The following CTNNA3 variants were observed in gnomAD, a reference collection of about 807,000 sequenced individuals.
CTNNA3 encodes the protein catenin alpha 3.
Under a neutral mutation model 95.7 loss-of-function variants are expected in CTNNA3, and 76 were observed. That is an observed-to-expected ratio of 0.79 (90% CI 0.66 to 0.96). The LOEUF is 0.96. Ranked by LOEUF, CTNNA3 falls within the 40% of genes least tolerant of loss-of-function variation. The pLI is 0.00. For missense variants in CTNNA3, 1,191 were observed against 1,089.8 expected (o/e 1.09, Z -1.31); for synonymous variants, 431 against 374.4 (o/e 1.15, Z -1.74).
chr10:66,841,422 G>A (rs907621250), intron 7 of CTNNA3, among the ~76,000 whole-genome samples: 2 of 152,134 alleles, frequency 1.3e-5, no homozygotes, highest in African/African-American at 2.4e-5. Flanking sequence ...AATTTAATTA[G>A]CTTTCCTTCC....
At chr10:67,268,124 T>C (rs1866901996) in intron 5 of CTNNA3, among the ~76,000 whole-genome samples, 1 of 151,990 alleles carries the variant, frequency 6.6e-6, no homozygotes, top group African/African-American at 2.4e-5. Context: ...AACAAACTCA[T>C]ATGAGAAATA....
chr10:67,184,734 C>T (rs554430958), intron 6 of CTNNA3, among the ~76,000 whole-genome samples: 1 of 152,330 alleles, frequency 6.6e-6, no homozygotes, highest in South Asian at 2.1e-4. Flanking sequence ...GAGGCATTGT[C>T]CCTATAAACC....
At chr10:66,866,271 T>C (rs1844175202) in intron 7 of CTNNA3, among the ~76,000 whole-genome samples, 1 of 152,194 alleles carries the variant, frequency 6.6e-6, no homozygotes, top group African/African-American at 2.4e-5. Flanking sequence ...TCAGCACTTA[T>C]AGGACTGTGT....
intron 14 of CTNNA3, among the ~76,000 whole-genome samples, chr10:66,088,200 A>G (rs2081061182): frequency 1.3e-5 from 2 of 152,002 alleles, no homozygotes; most frequent in Non-Finnish European, 2.9e-5. Context: ...TTTTCATAAA[A>G]TATTGTTTCA....
chr10:67,020,158 T>G (rs932082762), intron 7 of CTNNA3, among the ~76,000 whole-genome samples: 1 of 152,198 alleles, frequency 6.6e-6, no homozygotes. Flanking sequence ...TAGTATTTTT[T>G]ATAATCATAG....
rs553107487 is a variant in CTNNA3, at chr10:66,719,014, C to A, written c.1281+47250G>T. ...TACCGTCTTCCATGATCTGCGCTAT[C>A]CGTTCTGCACTTATACTTTGACTTC... On this transcript the variant is annotated intron_variant, in intron 9 of 17. Coordinates refer to ENST00000433211, the MANE Select transcript of CTNNA3 (RefSeq NM_013266.4). Among the ~76,000 whole-genome samples, 13 of 152,314 alleles carry A rather than the reference C, an allele frequency of 8.5e-5. No individual in the cohort carries two copies. The South Asian group carries it at 2.5e-3, about 29-fold the overall frequency.
chr10:67,688,033 C>A (rs984589721), intron 1 of CTNNA3, among the ~76,000 whole-genome samples: 4 of 152,172 alleles, frequency 2.6e-5, no homozygotes, highest in Non-Finnish European at 4.4e-5. Flanking sequence ...TCTCGGGCTG[C>A]AACTAAAGCC....
chr10:67,753,982 A>G (rs775514829), intron 1 of CTNNA3, among the ~76,000 whole-genome samples: 6 of 152,264 alleles, frequency 3.9e-5, no homozygotes, highest in Non-Finnish European at 7.3e-5. Context: ...CCAAAGGAAT[A>G]TAAATCATTC....
Position 67,372,128 on chromosome 10 carries a change from C to A in CTNNA3, c.579+149714G>T, listed in dbSNP as rs556058445. On this transcript the variant is annotated intron_variant, in intron 5 of 17. Transcript: ENST00000433211. ...GTTCTTTGTAGATTCTGGATATTAG[C>A]CCTTTGTCAGATGAGTAGATTGCAA... 9.2e-4 allele frequency among the ~76,000 whole-genome samples: 140 copies of A among 151,856 alleles called. 1 individual carries two copies. The highest frequency in any genetic ancestry group is 3.1e-3 in the African/African-American group (129 of 41,410).
chr10:66,438,731 C>A (rs7909108), intron 11 of CTNNA3, among the ~76,000 whole-genome samples: 17,839 of 152,130 alleles, frequency 0.12, 1,520 homozygotes, highest in African/African-American at 0.24. Context: ...TTCCAGGTAC[C>A]ACTGAGGTAT....
At chr10:66,973,106 G>A (rs1296526890) in intron 7 of CTNNA3, among the ~76,000 whole-genome samples, 7 of 152,030 alleles carry the variant, frequency 4.6e-5, no homozygotes, top group Non-Finnish European at 8.8e-5. Flanking sequence ...TCAGCCTTTT[G>A]GCTAAGATCA....
At chr10:67,305,711 G>A (rs557467233) in intron 5 of CTNNA3, among the ~76,000 whole-genome samples, 2 of 152,316 alleles carry the variant, frequency 1.3e-5, no homozygotes, top group South Asian at 4.1e-4. Context: ...CACTAGAGTG[G>A]TAGATGTGAA....
chr10:66,894,364 G>T (rs1845393298), intron 7 of CTNNA3, among the ~76,000 whole-genome samples: 1 of 151,934 alleles, frequency 6.6e-6, no homozygotes, highest in Admixed American at 6.6e-5. Context: ...GTTTCTTTAA[G>T]TTGCTTGTTC....
intron 7 of CTNNA3, among the ~76,000 whole-genome samples, chr10:67,076,800 A>T (rs1427419071): frequency 1.3e-5 from 2 of 152,214 alleles, no homozygotes; most frequent in African/African-American, 4.8e-5. Context: ...ACTTACCTTT[A>T]GAAAAATGCT....
chr10:67,553,515 G>A (rs1329997027), intron 3 of CTNNA3, among the ~76,000 whole-genome samples: 1 of 152,002 alleles, frequency 6.6e-6, no homozygotes, highest in Non-Finnish European at 1.5e-5. Flanking sequence ...CTATTAGTGT[G>A]GGAGAAATAA....
At chr10:66,309,928 AATAAATAAATAAATAAAT>A (rs908280076) in intron 12 of CTNNA3, among the ~76,000 whole-genome samples, 2 of 144,856 alleles carry the variant, frequency 1.4e-5, no homozygotes, top group Non-Finnish European at 3.0e-5. Context: ...TAAATAAATA[AATAAATAAATAAATAAAT>A]AAATAAATAA....
At chr10:67,174,096 A>AT (rs1365827712) in intron 7 of CTNNA3, among the ~76,000 whole-genome samples, 3 of 152,148 alleles carry the variant, frequency 2.0e-5, no homozygotes, top group Non-Finnish European at 4.4e-5. Context: ...CCATTACTTT[A>AT]TAGTTACTTT....
chr10:66,771,990 T>C (rs987260106), intron 8 of CTNNA3, among the ~76,000 whole-genome samples: 5 of 151,520 alleles, frequency 3.3e-5, no homozygotes, highest in African/African-American at 2.4e-5. Context: ...ATTTAGTTGC[T>C]TATGAGTTGG....
At chr10:67,463,092 C>T (rs1164337100) in intron 5 of CTNNA3, among the ~76,000 whole-genome samples, 6 of 151,726 alleles carry the variant, frequency 4.0e-5, no homozygotes, top group Admixed American at 1.3e-4. Context: ...TCAGTAGAGA[C>T]GGGGTTTAAC....
Sources: allele counts gnomAD v4.1 joint callset (sites outside exome capture counted in the v4.1 genomes callset), GRCh38; gene constraint gnomAD v4.1.1; transcripts MANE v1.5; gene names NCBI Gene and HGNC (gene_info 2026-07-23, HGNC 2026-07-21).